The following HECW2 variants were observed in gnomAD, a reference collection of about 807,000 sequenced individuals.
HECW2 encodes E3 ubiquitin-protein ligase HECW2.
HECW2 carries 61 observed loss-of-function variants against 175.2 expected under a neutral mutation model. That is an observed-to-expected ratio of 0.35 (90% CI 0.28 to 0.43). HECW2 has a LOEUF of 0.43. Ranked by LOEUF, HECW2 falls within the 20% of genes least tolerant of loss-of-function variation. HECW2 has a pLI of 1.00. For synonymous variants in HECW2, 671 were observed against 731.0 expected, an observed-to-expected ratio of 0.92 and a Z score of 1.32; for missense variants, 1,524 against 2,000.5, an observed-to-expected ratio of 0.76 and a Z score of 4.54.
intron 14 of HECW2, among the ~76,000 whole-genome samples, chr2:196,280,014 G>A (rs1690127046): frequency 6.6e-6 from 1 of 152,158 alleles, no homozygotes; most frequent in Admixed American, 6.5e-5. Flanking sequence ...AACTATACAA[G>A]TGCTATCTAT....
intron 23 of HECW2, 57 bp from the exon 24 acceptor site, chr2:196,222,397 A>G (rs1190815811): frequency 2.8e-5 from 43 of 1,534,226 alleles, no homozygotes; most frequent in Non-Finnish European, 3.5e-5. Context: ...GCAAAAACCC[A>G]GAGTCATAAG....
At chr2:196,499,009 A>G (rs1340110379) in intron 1 of HECW2, among the ~76,000 whole-genome samples, 1 of 152,064 alleles carries the variant, frequency 6.6e-6, no homozygotes, top group African/African-American at 2.4e-5. Flanking sequence ...GACCCAACCA[A>G]TTAGCCTTCC....
chr2:196,530,570 G>C (rs1171080643), intron 1 of HECW2, among the ~76,000 whole-genome samples: 1 of 152,086 alleles, frequency 6.6e-6, no homozygotes, highest in Non-Finnish European at 1.5e-5. Flanking sequence ...CTTTTCAAAT[G>C]GTTTCATGTC....
chr2:196,245,628 A>T (rs1688618299), intron 19 of HECW2, among the ~76,000 whole-genome samples: 1 of 152,190 alleles, frequency 6.6e-6, no homozygotes. Context: ...CGTAAGTGTT[A>T]GCTGTTGTTA....
At chr2:196,464,741 G>A (rs147755231) in intron 1 of HECW2, among the ~76,000 whole-genome samples, 2 of 152,064 alleles carry the variant, frequency 1.3e-5, no homozygotes, top group Non-Finnish European at 2.9e-5. Flanking sequence ...AAAAATCTTC[G>A]CTTAAAGAAG....
chr2:196,503,415 T>C (rs1187234424), intron 1 of HECW2, among the ~76,000 whole-genome samples: 1 of 151,992 alleles, frequency 6.6e-6, no homozygotes, highest in Non-Finnish European at 1.5e-5. Flanking sequence ...CTATGGGCAG[T>C]AGTGGGTTCA....
intron 1 of HECW2, among the ~76,000 whole-genome samples, chr2:196,567,839 T>C (rs1393463191): frequency 1.3e-5 from 2 of 152,168 alleles, no homozygotes; most frequent in African/African-American, 4.8e-5. Context: ...GGAATTAAAC[T>C]GAAAGCCCTA....
Position 196,199,231 on chromosome 2 carries a change from A to C in HECW2, c.*2046T>G, listed in dbSNP as rs941106150. On this transcript the variant is annotated 3_prime_UTR_variant, in exon 29 of 29. Transcript: ENST00000644978. ...TACTACTTTTCCTTATAATGAAAAG[A>C]ATACAAACAAGTGAAAAGTTTGCAA... 20 of 152,624 alleles carry C rather than the reference A, an allele frequency of 1.3e-4. No individual in the cohort carries two copies. 9.5% of individuals were successfully genotyped at this position (152,624 alleles called of 1,614,324 possible).
intron 5 of HECW2, among the ~76,000 whole-genome samples, chr2:196,326,450 T>A (rs1692156243): frequency 1.3e-5 from 2 of 149,190 alleles, no homozygotes; most frequent in South Asian, 4.2e-4. Context: ...TAAGAGCAAT[T>A]TTTTTTTTTT....
chr2:196,356,294 A>C (rs1421710033), intron 2 of HECW2, among the ~76,000 whole-genome samples: 1 of 152,204 alleles, frequency 6.6e-6, no homozygotes, highest in Non-Finnish European at 1.5e-5. Context: ...AGATTAAGAA[A>C]TTTGTCTAGG....
chr2:196,390,699 C>A (rs1362374901), intron 2 of HECW2, among the ~76,000 whole-genome samples: 1 of 152,092 alleles, frequency 6.6e-6, no homozygotes, highest in East Asian at 1.9e-4. Flanking sequence ...ATACTTGATG[C>A]CTGTTGGGTC....
intron 2 of HECW2, among the ~76,000 whole-genome samples, chr2:196,393,529 T>C (rs541626100): frequency 6.6e-6 from 1 of 152,308 alleles, no homozygotes; most frequent in South Asian, 2.1e-4. Context: ...AAGACATTTA[T>C]GAAGCCAACA....
At chr2:196,402,972 A>C (rs1457610572) in intron 2 of HECW2, among the ~76,000 whole-genome samples, 1 of 152,014 alleles carries the variant, frequency 6.6e-6, no homozygotes, top group Non-Finnish European at 1.5e-5. Flanking sequence ...ATGCTTGGCT[A>C]ATTTTTGTAT....
At chr2:196,552,507 G>C (rs1452507443) in intron 1 of HECW2, among the ~76,000 whole-genome samples, 3 of 152,196 alleles carry the variant, frequency 2.0e-5, no homozygotes, top group Admixed American at 2.0e-4. Flanking sequence ...TATATTCATA[G>C]TCCATTAGCA....
At chr2:196,568,981 T>C (rs991817459) in intron 1 of HECW2, among the ~76,000 whole-genome samples, 10 of 152,166 alleles carry the variant, frequency 6.6e-5, no homozygotes, top group African/African-American at 2.4e-4. Flanking sequence ...CATATAACCA[T>C]CCTGTTTTTT....
At chr2:196,225,706 A>T in intron 23 of HECW2, 66 bp downstream of exon 23, 1 of 1,012,680 alleles carries the variant, frequency 9.9e-7, no homozygotes, top group Non-Finnish European at 1.6e-6. Context: ...TGACAGAAGA[A>T]TTTTTTCAAA....
chr2:196,350,753 A>G (rs975836958), intron 2 of HECW2, among the ~76,000 whole-genome samples: 4 of 148,250 alleles, frequency 2.7e-5, no homozygotes, highest in Non-Finnish European at 4.4e-5. Flanking sequence ...GGGATAAGGC[A>G]CATAGATATA....
In HECW2 at chr2:196,320,413, C is replaced by T; in HGVS notation, c.911G>A (p.Gly304Asp). Residue 304 changes from glycine to aspartate, a missense_variant, in exon 8 of 29, where the codon GGC becomes GAC. This residue lies in a region of HECW2 where 95 missense variants were observed against 136.8 expected (regional missense o/e 0.69). Coordinates refer to ENST00000644978, the MANE Select transcript of HECW2 (RefSeq NM_001348768.2). The stretch of plus-strand genomic sequence containing the variant: ...CACGTGGTCAGCTGGGAGCCTTCTG[C>T]CAAGGTTGTAGCTGAGCATTTGATC... Reference protein sequence around the residue: ...IGDQMLSYNLGRRLPADHVSG... With the variant: ...IGDQMLSYNLDRRLPADHVSG... The T allele has an allele frequency of 6.2e-7, 1 of 1,612,534 alleles. No homozygotes were observed. Among genetic ancestry groups the T allele is most frequent in the South Asian group, 1.1e-5 (1 of 90,866 alleles).
At chr2:196,237,000 T>C (rs1229668447) in intron 21 of HECW2, among the ~76,000 whole-genome samples, 1 of 151,722 alleles carries the variant, frequency 6.6e-6, no homozygotes, top group Non-Finnish European at 1.5e-5. Flanking sequence ...TTCTGCAAAA[T>C]AGATTTTTTC....
Sources: allele counts gnomAD v4.1 joint callset (sites outside exome capture counted in the v4.1 genomes callset), GRCh38; gene constraint gnomAD v4.1.1; regional missense constraint gnomAD v4.1.1; transcripts MANE v1.5; gene names NCBI Gene and HGNC (gene_info 2026-07-23, HGNC 2026-07-21).